Variants in MAN1C1 observed in about 807,000 individuals in gnomAD.
MAN1C1 encodes mannosyl-oligosaccharide 1,2-alpha-mannosidase IC.
MAN1C1 carries 49 observed loss-of-function variants against 71.5 expected under a neutral mutation model. The ratio of observed to expected loss-of-function variants is 0.69; its 90% CI spans 0.54 to 0.87. The LOEUF is 0.87. MAN1C1 is among the 40% of genes least tolerant of loss of function. The pLI is 0.00. For missense variants in MAN1C1, 743 were observed against 835.0 expected, an observed-to-expected ratio of 0.89 and a Z score of 1.36; for synonymous variants, 352 against 343.7, an observed-to-expected ratio of 1.02 and a Z score of -0.27.
At position 25,769,351 on chromosome 1, in the gene MAN1C1, C is replaced by T. The variant is rs1484250990; in HGVS notation, c.1142-2306C>T. 1.3e-5 allele frequency among the ~76,000 whole-genome samples: 2 copies of T among 151,390 alleles called. No individual in the cohort carries two copies. The highest frequency in any genetic ancestry group is 2.9e-5 in the Non-Finnish European group (2 of 67,868). On this transcript the variant is annotated intron_variant, in intron 7 of 11. Coordinates refer to ENST00000374332, the MANE Select transcript of MAN1C1 (RefSeq NM_020379.4). This position sits in a 1 kb window ranked among gnomAD's most constrained non-coding sequence, Gnocchi z 4.8. ...CCTACATACACCACACACATTCATT[C>T]ACCACACATACACACTCACCCCACA...
Position 25,782,991 on chromosome 1 carries a change from C to T in MAN1C1, c.1766+291C>T, listed in dbSNP as rs554884033. ...CAGGTTGCTTCCGTTCTGGGAACCG[C>T]GTCCTCGTGTGTAAAATGGGATAGG... On this transcript the variant is annotated intron_variant, in intron 11 of 11. Transcript: ENST00000374332. This position sits in a 1 kb window ranked among gnomAD's most constrained non-coding sequence, Gnocchi z 4.4. Among the ~76,000 whole-genome samples the T allele has an allele frequency of 5.9e-5, 9 of 152,298 alleles. No individual in the cohort carries two copies. The East Asian group carries it at 9.6e-4, about 16-fold the overall frequency.
chr1:25,731,079 G>A (rs1407838560), intron 2 of MAN1C1, among the ~76,000 whole-genome samples: 1 of 152,222 alleles, frequency 6.6e-6, no homozygotes, highest in Admixed American at 6.5e-5. Flanking sequence ...CACTTTGGGA[G>A]GTCGAGGTGG....
rs150399924 is a variant in MAN1C1, at chr1:25,627,702, A to G, written c.540+9365A>G. On this transcript the variant is annotated intron_variant, in intron 1 of 11. Coordinates refer to ENST00000374332, the MANE Select transcript of MAN1C1 (RefSeq NM_020379.4). ...CATTGTAGTTCCTTTGCATGTCTGTATACATTTGAGAACAAATTTGTCACT... is the reference window on the plus strand; with the variant it reads ...CATTGTAGTTCCTTTGCATGTCTGTGTACATTTGAGAACAAATTTGTCACT... Among the ~76,000 whole-genome samples the G allele has an allele frequency of 4.4e-3, 667 of 152,186 alleles. 4 individuals are homozygous for G. Among genetic ancestry groups the G allele is most frequent in the African/African-American group, 0.015 (630 of 41,500 alleles).
rs1006618482 is a variant in MAN1C1, at chr1:25,778,803, C to T, written c.1477+479C>T. ...CGCCTCCTGCTCCCACCTGTTTAGTCGCCCTCTTTGACCCATGATCACCGG... is the reference window on the plus strand; with the variant it reads ...CGCCTCCTGCTCCCACCTGTTTAGTTGCCCTCTTTGACCCATGATCACCGG... On this transcript the variant is annotated intron_variant, in intron 9 of 11. Coordinates refer to ENST00000374332, the MANE Select transcript of MAN1C1 (RefSeq NM_020379.4). This position sits in a 1 kb window ranked among gnomAD's most constrained non-coding sequence, Gnocchi z 5.5. Among the ~76,000 whole-genome samples the T allele has an allele frequency of 7.2e-5, 11 of 152,258 alleles. No homozygotes were observed. The highest frequency in any genetic ancestry group is 2.4e-4 in the African/African-American group (10 of 41,550).
intron 1 of MAN1C1, among the ~76,000 whole-genome samples, chr1:25,619,848 G>A (rs2045179201): frequency 6.6e-6 from 1 of 152,060 alleles, no homozygotes; most frequent in East Asian, 1.9e-4. Context: ...TGCCCCTCTC[G>A]ACCTCCCAGT....
At chr1:25,633,523 G>T (rs1257485453) in intron 1 of MAN1C1, among the ~76,000 whole-genome samples, 1 of 142,712 alleles carries the variant, frequency 7.0e-6, no homozygotes. Flanking sequence ...ATTATGTAAT[G>T]ACCTTGTTTG....
chr1:25,655,779 G>A, intron 1 of MAN1C1, among the ~76,000 whole-genome samples: 1 of 152,080 alleles, frequency 6.6e-6, no homozygotes. Context: ...TTGTTCTGGG[G>A]GTTAATAGGA....
intron 7 of MAN1C1, among the ~76,000 whole-genome samples, chr1:25,770,983 C>T (rs896843921): frequency 2.6e-5 from 4 of 152,330 alleles, no homozygotes; most frequent in East Asian, 3.9e-4. Context: ...TCGGGCAACC[C>T]GTCTTCCTCC....
At position 25,746,121 on chromosome 1, in the gene MAN1C1, A is replaced by T. The variant is rs958056051; in HGVS notation, c.638-547A>T. 2.0e-5 allele frequency among the ~76,000 whole-genome samples: 3 copies of T among 152,100 alleles called. No homozygotes were observed. The highest frequency in any genetic ancestry group is 7.2e-5 in the African/African-American group (3 of 41,416). On this transcript the variant is annotated intron_variant, in intron 2 of 11. Transcript: ENST00000374332. This position sits in a 1 kb window ranked among gnomAD's most constrained non-coding sequence, Gnocchi z 4.0. ...GGAGTTCAAGACCAGCCTGGCCAAC[A>T]TGGTGAAACCCCATCTCTACTAAAA...
At chr1:25,712,320 G>T (rs2046624539) in intron 2 of MAN1C1, among the ~76,000 whole-genome samples, 1 of 152,204 alleles carries the variant, frequency 6.6e-6, no homozygotes, top group Non-Finnish European at 1.5e-5. Context: ...GCACCTTGTT[G>T]ATTTCACTTG....
intron 1 of MAN1C1, among the ~76,000 whole-genome samples, chr1:25,676,267 T>C (rs186240364): frequency 1.3e-5 from 2 of 152,278 alleles, no homozygotes; most frequent in East Asian, 3.9e-4. Context: ...TTTCCCACAT[T>C]GGCCTTTCAA....
intron 2 of MAN1C1, among the ~76,000 whole-genome samples, chr1:25,705,903 A>G (rs1309227695): frequency 6.6e-6 from 1 of 152,268 alleles, no homozygotes; most frequent in Non-Finnish European, 1.5e-5. Flanking sequence ...TGATTGCATC[A>G]CTGCACTCCA....
Position 25,618,155 on chromosome 1 carries a change from G to A in MAN1C1, c.358G>A (p.Glu120Lys). The A allele has an allele frequency of 6.5e-7, 1 of 1,541,978 alleles. No homozygotes were observed. Among genetic ancestry groups the A allele is most frequent in the Non-Finnish European group, 8.7e-7 (1 of 1,150,850 alleles). The part of the protein sequence containing the change: ...RRTRPTGPRE[E>K]ATAARGNSIP... ...CACCCGCCCCACTGGACCCCGCGAG[G>A]AGGCCACGGCGGCCCGGGGCAATAG... The change falls in exon 1 of 12, where the codon GAG becomes AAG. Residue 120 changes from glutamate (E) to lysine (K), a missense_variant. By Grantham distance (56) the Glu-to-Lys change is moderately conservative. Coordinates refer to ENST00000374332, the MANE Select transcript of MAN1C1 (RefSeq NM_020379.4).
At chr1:25,651,340 C>T (rs2045689565) in intron 1 of MAN1C1, among the ~76,000 whole-genome samples, 1 of 152,184 alleles carries the variant, frequency 6.6e-6, no homozygotes, top group African/African-American at 2.4e-5. Context: ...CCTGCACTGG[C>T]CTTGCACGGC....
chr1:25,769,787 G>A lies in MAN1C1; in HGVS notation c.1142-1870G>A, dbSNP rs116160926. 3.5e-3 allele frequency among the ~76,000 whole-genome samples: 537 copies of A among 152,346 alleles called. 4 individuals carry two copies. Among genetic ancestry groups the A allele is most frequent in the African/African-American group, 0.013 (522 of 41,600 alleles). ...GCTAGTGAGGGAGGCAGACCCGTAC[G>A]CAGGCACTCATCGCACACCCGGCGG... On this transcript the variant is annotated intron_variant, in intron 7 of 11. Transcript: ENST00000374332. The surrounding 1 kb of genome is among the most constrained non-coding windows in gnomAD (Gnocchi z 4.8).
In MAN1C1 at chr1:25,618,116, G is replaced by C; in HGVS notation, c.319G>C (p.Gly107Arg). ...SSWASPRRRK[G>R]GLRRTRPTGP... ...CTGGGCCAGTCCCCGCCGCAGGAAAGGGGGGCTGCGGCGCACCCGCCCCAC... is the reference window on the plus strand; with the variant it reads ...CTGGGCCAGTCCCCGCCGCAGGAAACGGGGGCTGCGGCGCACCCGCCCCAC... Residue 107 changes from glycine to arginine, a missense_variant, in exon 1 of 12, where the codon GGG (glycine) becomes CGG (arginine). Gly to Arg is a moderately radical substitution (Grantham distance 125). Transcript: ENST00000374332. The C allele has an allele frequency of 6.6e-7, 1 of 1,512,514 alleles. No individual in the cohort carries two copies. Among genetic ancestry groups the C allele is most frequent in the Non-Finnish European group, 8.8e-7 (1 of 1,138,676 alleles). 93.7% of individuals were successfully genotyped at this position (1,512,514 alleles called of 1,614,324 possible). A position where few individuals can be genotyped will look rare whatever the true frequency, so the allele number is the denominator to read the frequency against.
Position 25,753,052 on chromosome 1 carries a change from C to G in MAN1C1, c.835-432C>G, listed in dbSNP as rs2047237897. 6.6e-6 allele frequency among the ~76,000 whole-genome samples: 1 copy of G among 152,138 alleles called. No individual in the cohort carries two copies. Among genetic ancestry groups the G allele is most frequent in the South Asian group, 2.1e-4 (1 of 4,834 alleles). On this transcript the variant is annotated intron_variant, in intron 4 of 11. Transcript: ENST00000374332. This position sits in a 1 kb window ranked among gnomAD's most constrained non-coding sequence, Gnocchi z 4.9. The stretch of plus-strand genomic sequence containing the variant: ...GTCCTGCAGTGTGGGCAGGCATTGA[C>G]CTTTGGAGACCGGCCCGTCTCTGCC...
In MAN1C1 at chr1:25,617,250, G is replaced by C. The variant is rs1441612168; in HGVS notation, c.-548G>C. On this transcript the variant is annotated 5_prime_UTR_variant, in exon 1 of 12. Coordinates refer to ENST00000374332, the MANE Select transcript of MAN1C1 (RefSeq NM_020379.4). This position sits in a 1 kb window ranked among gnomAD's most constrained non-coding sequence, Gnocchi z 5.1. ...CCCGGGCGCTGTCGCGACCGGGCCG[G>C]GTGTGCGCGCGCTCGGGGCGGCGCT... Among the ~76,000 whole-genome samples, 1 of 151,876 alleles carries C rather than the reference G, an allele frequency of 6.6e-6. No homozygotes were observed. Among genetic ancestry groups the C allele is most frequent in the South Asian group, 2.1e-4 (1 of 4,834 alleles).
intron 1 of MAN1C1, among the ~76,000 whole-genome samples, chr1:25,656,768 G>A (rs12064112): frequency 1.3e-5 from 2 of 151,978 alleles, no homozygotes; most frequent in Non-Finnish European, 1.5e-5. Flanking sequence ...GCTATTCAGG[G>A]AGTAGCCAAG....
Sources: allele counts gnomAD v4.1 joint callset (sites outside exome capture counted in the v4.1 genomes callset), GRCh38; gene constraint gnomAD v4.1.1; non-coding constraint Gnocchi (gnomAD v3.1); transcripts MANE v1.5; gene names NCBI Gene and HGNC (gene_info 2026-07-23, HGNC 2026-07-21).